The following ITPK1 variants were observed in gnomAD, a reference collection of about 807,000 sequenced individuals.
ITPK1 encodes the protein inositol 1,3,4-trisphosphate 5/6-kinase.
A neutral mutation model predicts 45.3 loss-of-function variants in ITPK1; 21 were observed. The ratio of observed to expected loss-of-function variants is 0.46; its 90% CI spans 0.33 to 0.67. ITPK1 has a LOEUF of 0.67. Among genes scored for constraint, ITPK1 ranks in the 30% least tolerant of loss-of-function variants. ITPK1 has a pLI of 0.02. For missense variants in ITPK1, 474 were observed against 573.5 expected (o/e 0.83, Z 1.77); for synonymous variants, 258 against 253.6 (o/e 1.02, Z -0.16).
intron 5 of ITPK1, among the ~76,000 whole-genome samples, chr14:92,983,892 G>A (rs1404794746): frequency 1.3e-5 from 2 of 152,060 alleles, no homozygotes; most frequent in Non-Finnish European, 2.9e-5. Context: ...ATTCATTCAT[G>A]TATGGAAATA....
At chr14:93,004,370 C>T (rs1025875612) in intron 4 of ITPK1, among the ~76,000 whole-genome samples, 8 of 152,230 alleles carry the variant, frequency 5.3e-5, no homozygotes, top group African/African-American at 7.2e-5. Context: ...TTTTCTAAAA[C>T]GGCTCCTTGG....
intron 5 of ITPK1, among the ~76,000 whole-genome samples, chr14:92,983,318 C>CT (rs556610471): frequency 2.1e-4 from 32 of 152,244 alleles, no homozygotes; most frequent in Non-Finnish European, 3.8e-4. Context: ...ACATGGCAGC[C>CT]TTTTTTACTT....
At chr14:93,004,577 CAT>C (rs754311144) in intron 4 of ITPK1, among the ~76,000 whole-genome samples, 18 of 151,530 alleles carry the variant, frequency 1.2e-4, no homozygotes, top group Middle Eastern at 3.4e-3. Context: ...AGTGTGAGAG[CAT>C]ATGTGTGTGT....
intron 2 of ITPK1, among the ~76,000 whole-genome samples, chr14:93,097,017 G>A (rs757393901): frequency 2.6e-5 from 4 of 152,158 alleles, no homozygotes; most frequent in African/African-American, 7.2e-5. Flanking sequence ...CGGACACTTC[G>A]AAAAGCTTTC....
At chr14:93,085,600 G>T (rs759436070) in intron 2 of ITPK1, among the ~76,000 whole-genome samples, 1 of 152,166 alleles carries the variant, frequency 6.6e-6, no homozygotes, top group Non-Finnish European at 1.5e-5. Flanking sequence ...AGGAACTGAG[G>T]TGCCTTTGAG....
At chr14:93,099,529 A>T (rs745306121) in intron 2 of ITPK1, among the ~76,000 whole-genome samples, 1 of 152,092 alleles carries the variant, frequency 6.6e-6, no homozygotes, top group African/African-American at 2.4e-5. Context: ...CCAGCCCACA[A>T]ATAGGACATC....
At chr14:93,108,721 T>G (rs116675044) in intron 2 of ITPK1, among the ~76,000 whole-genome samples, 6,337 of 152,254 alleles carry the variant, frequency 0.042, 243 homozygotes, top group Admixed American at 0.088. Flanking sequence ...TTTCAGAACA[T>G]GTATGAAAAA....
Position 93,085,867 on chromosome 14 carries a change from C to T in ITPK1, c.96-9248G>A, listed in dbSNP as rs186632699. On this transcript the variant is annotated intron_variant, in intron 2 of 10. Coordinates refer to ENST00000267615, the MANE Select transcript of ITPK1 (RefSeq NM_014216.6). ...TGCAGGTGCGGTAATTTTTCTTTCC[C>T]CTAATTAGGGATGGGACCTAAATTG... 3.4e-3 allele frequency among the ~76,000 whole-genome samples: 524 copies of T among 152,206 alleles called. 3 individuals carry two copies. The highest frequency in any genetic ancestry group is 0.01 in the African/African-American group (420 of 41,522).
intron 3 of ITPK1, among the ~76,000 whole-genome samples, chr14:93,052,761 C>T (rs1002397882): frequency 6.6e-6 from 1 of 152,224 alleles, no homozygotes; most frequent in Non-Finnish European, 1.5e-5. Flanking sequence ...AACAGCCCTA[C>T]ATCTCCCATC....
chr14:93,005,939 C>T (rs867607479), intron 4 of ITPK1, among the ~76,000 whole-genome samples: 1 of 152,148 alleles, frequency 6.6e-6, no homozygotes, highest in Non-Finnish European at 1.5e-5. Context: ...CAGGGCATAC[C>T]GTACAGCCCC....
At chr14:92,997,350 C>T (rs1037717309) in intron 4 of ITPK1, among the ~76,000 whole-genome samples, 4 of 152,208 alleles carry the variant, frequency 2.6e-5, no homozygotes, top group Non-Finnish European at 4.4e-5. Flanking sequence ...TTAAGCCAAA[C>T]TCATGAGGGA....
chr14:93,056,164 G>A (rs1890207756), intron 3 of ITPK1, among the ~76,000 whole-genome samples: 1 of 152,222 alleles, frequency 6.6e-6, no homozygotes, highest in African/African-American at 2.4e-5. Flanking sequence ...ACTGGTGTGT[G>A]CAAAGCAGGA....
rs141343789 is a variant in ITPK1 at position 93,094,033 on chromosome 14, C to T, written c.96-17414G>A. On this transcript the variant is annotated intron_variant, in intron 2 of 10. Transcript: ENST00000267615. ...TGGGGCGCTCCAGCCAGGCCCCCAC[C>T]GCCTCGGCTCCACCGCTCCCGGGAG... Among the ~76,000 whole-genome samples the T allele has an allele frequency of 2.4e-4, 37 of 152,368 alleles. No individual in the cohort carries two copies. The East Asian group carries it at 5.4e-3, about 22-fold the overall frequency.
intron 2 of ITPK1, among the ~76,000 whole-genome samples, chr14:93,092,865 G>A (rs530980502): frequency 3.3e-5 from 5 of 152,282 alleles, no homozygotes; most frequent in South Asian, 4.1e-4. Context: ...CAGGCCAGGG[G>A]GCTGGGCTGA....
At chr14:93,108,631 T>G (rs1892617461) in intron 2 of ITPK1, among the ~76,000 whole-genome samples, 1 of 152,266 alleles carries the variant, frequency 6.6e-6, no homozygotes, top group South Asian at 2.1e-4. Flanking sequence ...GTCCCGGCCC[T>G]GAGCGCAGGA....
At chr14:93,045,440 A>T (rs28688110) in intron 3 of ITPK1, among the ~76,000 whole-genome samples, 26,970 of 152,216 alleles carry the variant, frequency 0.18, 3,173 homozygotes, top group African/African-American at 0.33. Flanking sequence ...GCAAATCACC[A>T]GGATGGGGGA....
At chr14:92,968,420 G>A (rs1181554288) in intron 5 of ITPK1, among the ~76,000 whole-genome samples, 1 of 152,144 alleles carries the variant, frequency 6.6e-6, no homozygotes, top group Non-Finnish European at 1.5e-5. Flanking sequence ...CTGTCATCCA[G>A]AGTGCTTGCC....
intron 5 of ITPK1, among the ~76,000 whole-genome samples, chr14:92,976,463 G>A (rs1885946102): frequency 6.6e-6 from 1 of 152,222 alleles, no homozygotes; most frequent in African/African-American, 2.4e-5. Flanking sequence ...AAGACTGCAT[G>A]GGAGAACCAC....
chr14:93,097,821 C>G (rs564562402), intron 2 of ITPK1, among the ~76,000 whole-genome samples: 18 of 152,224 alleles, frequency 1.2e-4, no homozygotes, highest in African/African-American at 4.1e-4. Flanking sequence ...ACAGCCTGGC[C>G]AACATGGTGA....
Sources: allele counts gnomAD v4.1 joint callset (sites outside exome capture counted in the v4.1 genomes callset), GRCh38; gene constraint gnomAD v4.1.1; transcripts MANE v1.5; gene names NCBI Gene and HGNC (gene_info 2026-07-23, HGNC 2026-07-21).